The following STK32C variants were observed in gnomAD, a reference collection of about 807,000 sequenced individuals.
STK32C encodes serine/threonine-protein kinase 32C.
Under a neutral mutation model 56.5 loss-of-function variants are expected in STK32C, and 31 were observed. The observed-to-expected ratio is 0.55, with a 90% confidence interval of 0.41 to 0.74. The LOEUF is 0.74. STK32C is among the 30% of genes least tolerant of loss of function. STK32C has a pLI of 0.00. For synonymous variants in STK32C, 309 were observed against 289.4 expected, an observed-to-expected ratio of 1.07 and a Z score of -0.69; for missense variants, 544 against 676.9, an observed-to-expected ratio of 0.80 and a Z score of 2.18.
chr10:132,239,537 C>T (rs537495243), intron 2 of STK32C, among the ~76,000 whole-genome samples: 4 of 152,352 alleles, frequency 2.6e-5, no homozygotes, highest in South Asian at 2.1e-4. Flanking sequence ...ACTTGGCCGC[C>T]GCAGAGGGCT....
At chr10:132,217,090 C>G (rs1349497659) in intron 10 of STK32C, among the ~76,000 whole-genome samples, 3 of 152,236 alleles carry the variant, frequency 2.0e-5, no homozygotes, top group Non-Finnish European at 4.4e-5. Flanking sequence ...CACCATGCAC[C>G]TGGAAAAGCC....
rs371939327 is a variant in STK32C, at chr10:132,277,759, A to T, written c.262+29813T>A. ...TCTCTTCTGAGTCCCTTGCACAGAC[A>T]AGTGCACACACACATGCACACATGC... On this transcript the variant is annotated intron_variant, in intron 1 of 11. Transcript: ENST00000298630. Among the ~76,000 whole-genome samples, 46 of 152,268 alleles carry T rather than the reference A, an allele frequency of 3.0e-4. No individual in the cohort carries two copies. In the South Asian group the frequency reaches 8.9e-3, roughly 30 times the overall value.
At chr10:132,310,020 C>T (rs2066189465), upstream of STK32C, among the ~76,000 whole-genome samples, 1 of 152,212 alleles carries the variant, frequency 6.6e-6, no homozygotes, top group Admixed American at 6.5e-5. This position sits in a 1 kb window ranked among gnomAD's most constrained non-coding sequence, Gnocchi z 4.6. Flanking sequence ...AATGTGAATA[C>T]AGCCAGAGCC....
At chr10:132,325,612 C>T (rs911288693) in intron 1 of STK32C, among the ~76,000 whole-genome samples, 19 of 152,032 alleles carry the variant, frequency 1.2e-4, no homozygotes, top group African/African-American at 3.6e-4. Flanking sequence ...CCGGGTAAGA[C>T]GCAACTTGCT....
chr10:132,258,737 C>A (rs1423052758), intron 1 of STK32C, among the ~76,000 whole-genome samples: 14 of 152,222 alleles, frequency 9.2e-5, no homozygotes, highest in Admixed American at 8.5e-4. Context: ...TGGACTCACA[C>A]GTATTCCCAC....
At chr10:132,213,211 C>T (rs1296692663) in intron 10 of STK32C, among the ~76,000 whole-genome samples, 1 of 152,244 alleles carries the variant, frequency 6.6e-6, no homozygotes, top group Non-Finnish European at 1.5e-5. Context: ...GACTGTTTTT[C>T]AGCCTGTACC....
intron 1 of STK32C, among the ~76,000 whole-genome samples, chr10:132,248,364 C>T (rs1162754147): frequency 2.6e-5 from 4 of 152,208 alleles, no homozygotes; most frequent in Non-Finnish European, 4.4e-5. Flanking sequence ...TCGGAGTCTG[C>T]GGGGCCTGCC....
rs572849270 is a variant in STK32C at position 132,252,669 on chromosome 10, G to A, written c.263-6714C>T. 5.9e-5 allele frequency among the ~76,000 whole-genome samples: 9 copies of A among 152,272 alleles called. No homozygotes were observed. In the South Asian group the frequency reaches 1.7e-3, roughly 28 times the overall value. ...GATGGACGGAGCGGCTCGGAGCTCCGGGCCCACCAGCACCTGCCCTCATTG... is the reference window on the plus strand; with the variant it reads ...GATGGACGGAGCGGCTCGGAGCTCCAGGCCCACCAGCACCTGCCCTCATTG... On this transcript the variant is annotated intron_variant, in intron 1 of 11. Coordinates refer to ENST00000298630, the MANE Select transcript of STK32C (RefSeq NM_173575.4).
intron 2 of STK32C, among the ~76,000 whole-genome samples, chr10:132,232,847 C>T (rs2063149641): frequency 6.6e-6 from 1 of 152,112 alleles, no homozygotes; most frequent in African/African-American, 2.4e-5. Flanking sequence ...GGCCACAGCG[C>T]CACCCGGAAC....
intron 2 of STK32C, among the ~76,000 whole-genome samples, chr10:132,242,501 C>A (rs1051221367): frequency 6.6e-6 from 1 of 152,102 alleles, no homozygotes; most frequent in South Asian, 2.1e-4. Flanking sequence ...AGCACAGCCC[C>A]CCTGCAGTTC....
chr10:132,317,776 A>C (rs2066333229), intron 1 of STK32C, among the ~76,000 whole-genome samples: 1 of 152,024 alleles, frequency 6.6e-6, no homozygotes, highest in African/African-American at 2.4e-5. Context: ...TCAAGAGATC[A>C]AGACCATCCT....
At chr10:132,265,580 C>T (rs1172663530) in intron 1 of STK32C, among the ~76,000 whole-genome samples, 7 of 152,166 alleles carry the variant, frequency 4.6e-5, no homozygotes, top group Non-Finnish European at 4.4e-5. Flanking sequence ...GGAGGCCTCT[C>T]GCTTTCATGG....
intron 1 of STK32C, chr10:132,249,174 T>TG (rs1029384488): frequency 3.4e-4 from 28 of 82,756 alleles, no homozygotes; most frequent in Non-Finnish European, 5.5e-4. Context: ...GGCGGGGCTA[T>TG]GGGGGTCAGG....
Position 132,209,009 on chromosome 10 carries a change from GCCCACCCACC to G in STK32C, c.1319+15_1319+24del. 1 of 893,004 alleles carries G rather than the reference GCCCACCCACC, an allele frequency of 1.1e-6. No individual in the cohort carries two copies. The highest frequency in any genetic ancestry group is 1.8e-6 in the Non-Finnish European group (1 of 559,472). The allele number at this position is 893,004 out of a possible 1,614,324, so 55.3% of individuals were successfully genotyped here. A position where few individuals can be genotyped will look rare whatever the true frequency, so the allele number is the denominator to read the frequency against. On this transcript the variant is annotated intron_variant, in intron 11 of 11. Transcript: ENST00000298630. ...CCATTTTCCTCCTCTCTGCCACCACGCCCACCCACCCCCAACACACTCACTTTTCTCTGTT... is the reference window on the plus strand; with the variant it reads ...CCATTTTCCTCCTCTCTGCCACCACGCCCAACACACTCACTTTTCTCTGTT...
At chr10:132,224,167 A>G (rs1430139684) in intron 8 of STK32C, among the ~76,000 whole-genome samples, 2 of 152,110 alleles carry the variant, frequency 1.3e-5, no homozygotes, top group African/African-American at 2.4e-5. Context: ...TCAGGGGATC[A>G]CCAGGACACC....
At chr10:132,235,347 T>C (rs2063241957) in intron 2 of STK32C, among the ~76,000 whole-genome samples, 1 of 151,828 alleles carries the variant, frequency 6.6e-6, no homozygotes, top group Admixed American at 6.6e-5. Context: ...ATACAAAAAA[T>C]TAGCTGGGTG....
chr10:132,315,594 AATAGACAAACGCACAGTC>A (rs1246690516), intron 1 of STK32C, among the ~76,000 whole-genome samples: 12 of 152,234 alleles, frequency 7.9e-5, no homozygotes, highest in African/African-American at 2.9e-4. Context: ...CGGAGAGAAA[AATAGACAAACGCACAGTC>A]ATAGTAGTAG....
rs369482898 is a variant in STK32C, at chr10:132,262,248, A to G, written c.263-16293T>C. On this transcript the variant is annotated intron_variant, in intron 1 of 11. Transcript: ENST00000298630. ...GGAGAGCCGGCGAGCCACATGAGGA[A>G]GAATGAAGCTGGACTTCTGCTTTTC... Among the ~76,000 whole-genome samples the G allele has an allele frequency of 5.6e-4, 85 of 152,342 alleles. 1 individual carries two copies. The South Asian group carries it at 0.017, about 30-fold the overall frequency.
chr10:132,308,472 C>A (rs80187017), upstream of STK32C, among the ~76,000 whole-genome samples: 3,663 of 151,000 alleles, frequency 0.024, 155 homozygotes, highest in African/African-American at 0.083. Context: ...AGGGTGAGGC[C>A]GGGCTGCAGG....
Sources: allele counts gnomAD v4.1 joint callset (sites outside exome capture counted in the v4.1 genomes callset), GRCh38; gene constraint gnomAD v4.1.1; non-coding constraint Gnocchi (gnomAD v3.1); transcripts MANE v1.5; gene names NCBI Gene and HGNC (gene_info 2026-07-23, HGNC 2026-07-21).